LYZL1: variants seen among roughly 807,000 people sequenced by gnomAD.
The protein encoded by LYZL1 is lysozyme like 1.
A neutral mutation model predicts 17.9 loss-of-function variants in LYZL1; 16 were observed. The ratio of observed to expected loss-of-function variants is 0.90; its 90% CI spans 0.61 to 1.36. The LOEUF is 1.36. LYZL1 is among the 40% of genes most tolerant of loss of function. The probability of loss-of-function intolerance (pLI) is 0.00; values close to 1 mark genes in which losing one functional copy is unlikely to be tolerated. For synonymous variants in LYZL1, 58 were observed against 71.8 expected, an observed-to-expected ratio of 0.81 and a Z score of 0.97; for missense variants, 149 against 188.4, an observed-to-expected ratio of 0.79 and a Z score of 1.22.
rs763472684 is a variant in LYZL1, at chr10:29,310,186, T to C, written c.375T>C (p.Tyr125=). The change falls in exon 4 of 5, where the codon TAT becomes TAC. Residue 125 remains tyrosine, a splice_region_variant and synonymous_variant. Transcript: ENST00000649382. ...KIVKETQGMN[Y]WQGWKKHCEG... ...TTAAAGAGACACAAGGAATGAACTA[T>C]TGGTAAGAGTGTTTTCTTGGGAGAC... 4 of 1,601,690 alleles carry C rather than the reference T, an allele frequency of 2.5e-6. No individual in the cohort carries two copies. In the South Asian group the frequency reaches 3.3e-5, roughly 13 times the overall value.
At chr10:29,294,754 T>C (rs998802887) in intron 3 of LYZL1, among the ~76,000 whole-genome samples, 10 of 152,212 alleles carry the variant, frequency 6.6e-5, no homozygotes, top group African/African-American at 2.2e-4. Context: ...CCTCTCCTTA[T>C]TGAAGGGAGA....
intron 3 of LYZL1, among the ~76,000 whole-genome samples, chr10:29,305,781 TAA>T (rs1309621824): frequency 6.6e-6 from 1 of 152,240 alleles, no homozygotes; most frequent in Non-Finnish European, 1.5e-5. Context: ...AAATAAAAAT[TAA>T]GTCACATTCA....
downstream of LYZL1, among the ~76,000 whole-genome samples, chr10:29,315,290 A>G (rs1835716502): frequency 6.6e-6 from 1 of 152,110 alleles, no homozygotes; most frequent in South Asian, 2.1e-4. Context: ...TGGGCGGATC[A>G]CCTGAGGTCA....
At chr10:29,300,630 G>A (rs1452286459) in intron 3 of LYZL1, among the ~76,000 whole-genome samples, 1 of 152,046 alleles carries the variant, frequency 6.6e-6, no homozygotes, top group Non-Finnish European at 1.5e-5. Flanking sequence ...GTAGTCAATC[G>A]ATATCACTTT....
At chr10:29,310,947 G>A (rs372671188) in intron 4 of LYZL1, 43 bp from the exon 5 acceptor site, 62 of 1,614,002 alleles carry the variant, frequency 3.8e-5, no homozygotes, top group Non-Finnish European at 5.2e-5. Context: ...GGTTTGGATT[G>A]TCACGCTTCT....
At position 29,292,569 on chromosome 10, in the gene LYZL1, G is replaced by A. The variant is rs755183711; in HGVS notation, c.190G>A (p.Val64Ile). The change falls in exon 3 of 5, where the codon GTC (valine) becomes ATC (isoleucine). Residue 64 changes from valine (V) to isoleucine (I), a missense_variant. Coordinates refer to ENST00000649382, the MANE Select transcript of LYZL1 (RefSeq NM_032517.6). ...ESGYNTTAQT[V>I]LDDGSIDYGI... The stretch of plus-strand genomic sequence containing the variant: ...CGGCTACAACACCACAGCCCAGACG[G>A]TCCTGGATGACGGCAGCATCGACTA... 2 of 1,614,262 alleles carry A rather than the reference G, an allele frequency of 1.2e-6. No homozygotes were observed. The highest frequency in any genetic ancestry group is 1.1e-5 in the South Asian group (1 of 91,088).
chr10:29,315,238 A>G (rs57075467), downstream of LYZL1, among the ~76,000 whole-genome samples: 5,370 of 152,254 alleles, frequency 0.035, 162 homozygotes, highest in South Asian at 0.079. Flanking sequence ...GGCCGGGCGC[A>G]GTGGCTCACG....
chr10:29,293,134 C>CTTTTTTTTTT, intron 3 of LYZL1, among the ~76,000 whole-genome samples: 1 of 121,048 alleles, frequency 8.3e-6, no homozygotes, highest in Admixed American at 9.2e-5. Flanking sequence ...TTTCTTTTTT[C>CTTTTTTTTTT]TTTTTTTTTT....
At chr10:29,306,634 G>A (rs1835597453) in intron 3 of LYZL1, among the ~76,000 whole-genome samples, 1 of 149,306 alleles carries the variant, frequency 6.7e-6, no homozygotes, top group African/African-American at 2.5e-5. Flanking sequence ...AAAATTCATA[G>A]TTTTTTGAAT....
At chr10:29,293,115 TTCTTTTCTTTTCTTTTTTC>T in intron 3 of LYZL1, among the ~76,000 whole-genome samples, 1 of 122,882 alleles carries the variant, frequency 8.1e-6, no homozygotes, top group Non-Finnish European at 1.8e-5. Context: ...TTCTTTTTTT[TTCTTTTCTTTTCTTTTTTC>T]TTTTTTTTTT....
intron 3 of LYZL1, among the ~76,000 whole-genome samples, chr10:29,303,583 G>C (rs1211939444): frequency 6.6e-6 from 1 of 152,178 alleles, no homozygotes; most frequent in African/African-American, 2.4e-5. Flanking sequence ...CTATCTGCAA[G>C]ACAATCTTAG....
chr10:29,316,707 CTT>C (rs201357117), intron 3 of LYZL1, among the ~76,000 whole-genome samples: 1 of 126,390 alleles, frequency 7.9e-6, no homozygotes, highest in Non-Finnish European at 1.7e-5. Flanking sequence ...TTTCCTTTTC[CTT>C]TTTTTTTTTC....
In LYZL1 at chr10:29,292,565, G is replaced by A. The variant is rs1274089697; in HGVS notation, c.186G>A (p.Gln62=). The part of the protein sequence containing the change: ...YYESGYNTTA[Q]TVLDDGSIDY... ...AGAGCGGCTACAACACCACAGCCCA[G>A]ACGGTCCTGGATGACGGCAGCATCG... is the stretch of plus-strand genomic sequence containing the variant. The change falls in exon 3 of 5, where the codon CAG becomes CAA. Residue 62 remains glutamine, a synonymous_variant. Coordinates refer to ENST00000649382, the MANE Select transcript of LYZL1 (RefSeq NM_032517.6). The A allele has an allele frequency of 6.2e-7, 1 of 1,614,116 alleles. No individual in the cohort carries two copies. Among genetic ancestry groups the A allele is most frequent in the African/African-American group, 1.3e-5 (1 of 74,952 alleles).
intron 1 of LYZL1, 131 bp downstream of exon 1, chr10:29,289,361 G>T: frequency 1.6e-6 from 1 of 638,560 alleles, no homozygotes; most frequent in Non-Finnish European, 2.4e-6. Flanking sequence ...TTCTAAGGCA[G>T]GGGATGGAAA....
intron 3 of LYZL1, among the ~76,000 whole-genome samples, chr10:29,308,109 G>A (rs530499032): frequency 2.3e-4 from 35 of 152,338 alleles, no homozygotes; most frequent in Admixed American, 3.9e-4. Context: ...CTTGATTGGT[G>A]GTTGTGGTGG....
intron 3 of LYZL1, among the ~76,000 whole-genome samples, chr10:29,305,519 A>C (rs1835577676): frequency 6.6e-6 from 1 of 152,184 alleles, no homozygotes; most frequent in Non-Finnish European, 1.5e-5. Flanking sequence ...ATTTTGCGTG[A>C]AGAGATTTAA....
At chr10:29,313,838 C>CAT (rs1835700035), downstream of LYZL1, among the ~76,000 whole-genome samples, 1 of 152,200 alleles carries the variant, frequency 6.6e-6, no homozygotes, top group Non-Finnish European at 1.5e-5. Context: ...CTCGTGGCCA[C>CAT]ATTATCTGCT....
At chr10:29,310,525 G>T (rs1185197897) in intron 4 of LYZL1, among the ~76,000 whole-genome samples, 2 of 151,594 alleles carry the variant, frequency 1.3e-5, no homozygotes, top group Non-Finnish European at 2.9e-5. Flanking sequence ...GCTTGAGTTT[G>T]TTCTAGATTT....
At chr10:29,305,323 T>G (rs749107229) in intron 3 of LYZL1, among the ~76,000 whole-genome samples, 16 of 152,342 alleles carry the variant, frequency 1.1e-4, no homozygotes, top group Admixed American at 4.6e-4. Context: ...ATTATTAACT[T>G]TATTAACATA....
Sources: gnomAD v4.1 joint callset for allele counts (sites outside exome capture counted in the v4.1 genomes callset) on GRCh38, gnomAD v4.1.1 for gene constraint, MANE v1.5 for transcripts, NCBI Gene and HGNC (gene_info 2026-07-23, HGNC 2026-07-21) for gene names.